RFX3: variants seen among roughly 807,000 people sequenced by gnomAD.
The protein encoded by RFX3 is transcription factor RFX3.
In RFX3, 14 loss-of-function variants were observed where a neutral mutation model predicts 98.6. The observed-to-expected ratio is 0.14, with a 90% CI of 0.09 to 0.22. The LOEUF (loss-of-function observed/expected upper bound fraction) is 0.22, where lower values mean the gene tolerates loss of function less well. Ranked by LOEUF, RFX3 falls within the 10% of genes least tolerant of loss-of-function variation. RFX3 has a pLI of 1.00. For missense variants in RFX3, 639 were observed against 926.9 expected, an observed-to-expected ratio of 0.69 and a Z score of 4.03; for synonymous variants, 383 against 328.4, an observed-to-expected ratio of 1.17 and a Z score of -1.80.
At chr9:3,511,021 T>C (rs1363625956) in intron 1 of RFX3, among the ~76,000 whole-genome samples, 1 of 152,036 alleles carries the variant, frequency 6.6e-6, no homozygotes, top group Non-Finnish European at 1.5e-5. Context: ...ACTCAGTTTG[T>C]CTAGTGACTC....
At chr9:3,480,016 G>C (rs1250631317) in intron 1 of RFX3, among the ~76,000 whole-genome samples, 1 of 152,186 alleles carries the variant, frequency 6.6e-6, no homozygotes, top group African/African-American at 2.4e-5. Context: ...GCCGAGAAAA[G>C]TAAACATCTT....
chr9:3,507,362 T>A (rs558116914), intron 1 of RFX3, among the ~76,000 whole-genome samples: 1 of 152,038 alleles, frequency 6.6e-6, no homozygotes, highest in African/African-American at 2.4e-5. Context: ...AGGATAATAA[T>A]AGCAATTGCC....
intron 1 of RFX3, chr9:3,488,876 T>C (rs1315525855): frequency 1.0e-6 from 1 of 984,796 alleles, no homozygotes; most frequent in Non-Finnish European, 1.2e-6. Flanking sequence ...CCAAAGAAAC[T>C]AGAGTATCCT....
chr9:3,324,306 A>C (rs1022413526), intron 4 of RFX3, among the ~76,000 whole-genome samples: 9 of 152,188 alleles, frequency 5.9e-5, no homozygotes, highest in Non-Finnish European at 1.2e-4. Flanking sequence ...CTAACTTAAA[A>C]TTTCTTCTAA....
Position 3,473,162 on chromosome 9 carries a change from C to A in RFX3, c.-9+52585G>T, listed in dbSNP as rs138774445. 2.2e-3 allele frequency among the ~76,000 whole-genome samples: 331 copies of A among 152,264 alleles called. 1 individual carries two copies. Among genetic ancestry groups the A allele is most frequent in the Non-Finnish European group, 3.5e-3 (241 of 68,004 alleles). On this transcript the variant is annotated intron_variant, in intron 1 of 16. Coordinates refer to ENST00000617270, the MANE Select transcript of RFX3 (RefSeq NM_001282116.2). ...CACTTCACCTGTGGAATTATCTCCACACATAATTGGATTTCCCAAATCAAA... is the reference window on the plus strand; with the variant it reads ...CACTTCACCTGTGGAATTATCTCCAAACATAATTGGATTTCCCAAATCAAA...
At chr9:3,445,770 T>C (rs1264756546) in intron 1 of RFX3, among the ~76,000 whole-genome samples, 1 of 152,176 alleles carries the variant, frequency 6.6e-6, no homozygotes, top group African/African-American at 2.4e-5. Flanking sequence ...TAATTTCCTG[T>C]TATTTCTCCT....
At chr9:3,499,198 TAATG>T (rs1471903043) in intron 1 of RFX3, among the ~76,000 whole-genome samples, 2 of 152,066 alleles carry the variant, frequency 1.3e-5, no homozygotes, top group African/African-American at 4.8e-5. Context: ...TAAAAGGTCA[TAATG>T]GATATAAATG....
rs546090924 is a variant in RFX3, at chr9:3,353,036, C to T, written c.118-6272G>A. 7.6e-3 allele frequency among the ~76,000 whole-genome samples: 1,157 copies of T among 151,882 alleles called. 9 individuals are homozygous for T. The highest frequency in any genetic ancestry group is 0.026 in the African/African-American group (1,069 of 41,432). On this transcript the variant is annotated intron_variant, in intron 2 of 16. Transcript: ENST00000617270. ...GCAGCCATAAAAAATGATGAGTTCA[C>T]GTCCTTTGTAGGGACATGGATGAAA...
chr9:3,421,095 C>T (rs2132344853), intron 1 of RFX3, among the ~76,000 whole-genome samples: 1 of 151,854 alleles, frequency 6.6e-6, no homozygotes, highest in South Asian at 2.1e-4. Flanking sequence ...GACTTGTCCC[C>T]TGCAGGATGG....
chr9:3,281,245 A>G (rs1563853204), intron 7 of RFX3, among the ~76,000 whole-genome samples: 1 of 151,602 alleles, frequency 6.6e-6, no homozygotes, highest in East Asian at 1.9e-4. Flanking sequence ...TTGAAACATG[A>G]CTTGTAGATT....
chr9:3,493,040 G>C (rs1399141001), intron 1 of RFX3, among the ~76,000 whole-genome samples: 2 of 152,058 alleles, frequency 1.3e-5, no homozygotes, highest in African/African-American at 2.4e-5. Context: ...TATTATAGTA[G>C]TAGTAGTCAT....
At chr9:3,512,636 C>T (rs1457416634) in intron 1 of RFX3, among the ~76,000 whole-genome samples, 2 of 151,856 alleles carry the variant, frequency 1.3e-5, no homozygotes, top group Non-Finnish European at 2.9e-5. Context: ...AAACCTCATA[C>T]AATACTAGTC....
chr9:3,355,539 A>C (rs1342135307), intron 2 of RFX3, among the ~76,000 whole-genome samples: 1 of 151,942 alleles, frequency 6.6e-6, no homozygotes, highest in Non-Finnish European at 1.5e-5. Context: ...AGAGTTTCAG[A>C]AGACATGAAG....
intron 6 of RFX3, among the ~76,000 whole-genome samples, chr9:3,291,236 G>C (rs1047775541): frequency 6.6e-6 from 1 of 151,890 alleles, no homozygotes; most frequent in African/African-American, 2.4e-5. Flanking sequence ...GTGGTGGAGT[G>C]GGGTGGTGCC....
At chr9:3,392,538 A>G (rs1840422515) in intron 2 of RFX3, among the ~76,000 whole-genome samples, 1 of 152,042 alleles carries the variant, frequency 6.6e-6, no homozygotes, top group Admixed American at 6.5e-5. Context: ...AAAAACAAGA[A>G]AACAGAGGGG....
intron 3 of RFX3, among the ~76,000 whole-genome samples, chr9:3,346,024 G>A (rs1278715387): frequency 6.6e-6 from 1 of 151,946 alleles, no homozygotes. Context: ...AACCCAATTT[G>A]GAAACAATCC....
intron 1 of RFX3, among the ~76,000 whole-genome samples, chr9:3,454,089 G>A (rs1309857113): frequency 6.6e-6 from 1 of 152,036 alleles, no homozygotes; most frequent in African/African-American, 2.4e-5. Context: ...AATAAATAAT[G>A]TTACCTACAC....
intron 1 of RFX3, among the ~76,000 whole-genome samples, chr9:3,462,381 T>C (rs1263764466): frequency 2.0e-5 from 3 of 151,990 alleles, no homozygotes; most frequent in South Asian, 4.1e-4. Flanking sequence ...AAACTGGCAA[T>C]TGAAGAGAAT....
chr9:3,449,767 C>G (rs573562787), intron 1 of RFX3, among the ~76,000 whole-genome samples: 1 of 151,552 alleles, frequency 6.6e-6, no homozygotes, highest in Non-Finnish European at 1.5e-5. Context: ...GCAGGAGGAT[C>G]GTTTGAGCCC....
Sources: gnomAD v4.1 joint callset for allele counts (sites outside exome capture counted in the v4.1 genomes callset) on GRCh38, gnomAD v4.1.1 for gene constraint, MANE v1.5 for transcripts, NCBI Gene and HGNC (gene_info 2026-07-23, HGNC 2026-07-21) for gene names.